ATRN: variants seen among roughly 807,000 people sequenced by gnomAD.
The protein encoded by ATRN is attractin.
A neutral mutation model predicts 178.7 loss-of-function variants in ATRN; 54 were observed. The ratio of observed to expected loss-of-function variants is 0.30; its 90% CI spans 0.24 to 0.38. The LOEUF (loss-of-function observed/expected upper bound fraction) is 0.38, where lower values mean the gene tolerates loss of function less well. ATRN is among the 10% of genes least tolerant of loss of function. ATRN has a pLI of 1.00. For missense variants in ATRN, 1,443 were observed against 1,815.1 expected (o/e 0.79, Z 3.73); for synonymous variants, 636 against 663.0 (o/e 0.96, Z 0.63).
chr20:3,531,141 TTC>T (rs745654727), intron 1 of ATRN, among the ~76,000 whole-genome samples: 3 of 152,216 alleles, frequency 2.0e-5, no homozygotes, highest in Non-Finnish European at 4.4e-5. Context: ...TTCCTGGCCT[TTC>T]TCTTTCAAAT....
chr20:3,597,666 C>T (rs563708062), intron 21 of ATRN, among the ~76,000 whole-genome samples: 3 of 152,224 alleles, frequency 2.0e-5, no homozygotes, highest in South Asian at 2.1e-4. Flanking sequence ...TAATTATGGA[C>T]GTTACTTGAT....
intron 23 of ATRN, among the ~76,000 whole-genome samples, chr20:3,603,511 C>T (rs1255317984): frequency 1.3e-4 from 19 of 148,728 alleles, no homozygotes; most frequent in African/African-American, 3.5e-4. Context: ...TTTTTTGAGA[C>T]GGAATTTCGC....
intron 25 of ATRN, among the ~76,000 whole-genome samples, chr20:3,626,781 CTTTTTT>C (rs33999405): frequency 2.9e-4 from 34 of 118,172 alleles, no homozygotes; most frequent in African/African-American, 1.0e-3. Context: ...TGAATTATTT[CTTTTTT>C]TTTTTTTTTT....
chr20:3,591,803 T>C (rs2086447443), intron 19 of ATRN, among the ~76,000 whole-genome samples: 2 of 151,704 alleles, frequency 1.3e-5, no homozygotes, highest in African/African-American at 4.8e-5. Flanking sequence ...TTCCCCCTCC[T>C]CCCCCCATCA....
At chr20:3,621,235 G>T (rs940676766) in intron 24 of ATRN, among the ~76,000 whole-genome samples, 13 of 152,172 alleles carry the variant, frequency 8.5e-5, no homozygotes, top group Non-Finnish European at 1.5e-5. Flanking sequence ...AGCCAGAAAG[G>T]ACAGGGAGGA....
At chr20:3,617,888 CAG>C (rs908929806) in intron 24 of ATRN, among the ~76,000 whole-genome samples, 1 of 152,110 alleles carries the variant, frequency 6.6e-6, no homozygotes, top group African/African-American at 2.4e-5. Context: ...CTAGAACACT[CAG>C]GGGTCAGGGG....
intron 1 of ATRN, among the ~76,000 whole-genome samples, chr20:3,512,085 T>TTATATATATATATATATATATATA (rs1212714416): frequency 8.3e-6 from 1 of 119,786 alleles, no homozygotes; most frequent in African/African-American, 3.6e-5. Flanking sequence ...CTTTTTTCTT[T>TTATATATATATATATATATATATA]TATATATATA....
At position 3,499,595 on chromosome 20, in the gene ATRN, A is replaced by G. The variant is rs796143393; in HGVS notation, c.410+28078A>G. On this transcript the variant is annotated intron_variant, in intron 1 of 28. Coordinates refer to ENST00000262919, the MANE Select transcript of ATRN (RefSeq NM_139321.3). The stretch of plus-strand genomic sequence containing the variant: ...ACAAGCATTGGGGAAAGGATTCCCT[A>G]TTTAATAAATGGTGCTGGGAAAACT... Among the ~76,000 whole-genome samples the G allele has an allele frequency of 7.2e-4, 108 of 150,558 alleles. 2 individuals are homozygous for G. The South Asian group carries it at 0.016, about 23-fold the overall frequency.
chr20:3,580,089 G>C (rs1420282103), intron 15 of ATRN, among the ~76,000 whole-genome samples: 1 of 152,174 alleles, frequency 6.6e-6, no homozygotes, highest in East Asian at 1.9e-4. Flanking sequence ...TCAGATTTCA[G>C]AATCTCCATT....
chr20:3,496,152 T>A (rs2084875646), intron 1 of ATRN, among the ~76,000 whole-genome samples: 1 of 151,972 alleles, frequency 6.6e-6, no homozygotes, highest in African/African-American at 2.4e-5. Flanking sequence ...TCTATTTCCT[T>A]CAGTTCTGCT....
Position 3,529,964 on chromosome 20 carries a change from A to G in ATRN, c.411-5289A>G, listed in dbSNP as rs542883069. 2.0e-5 allele frequency among the ~76,000 whole-genome samples: 3 copies of G among 152,220 alleles called. No homozygotes were observed. In the South Asian group the frequency reaches 6.2e-4, roughly 32 times the overall value. On this transcript the variant is annotated intron_variant, in intron 1 of 28. Coordinates refer to ENST00000262919, the MANE Select transcript of ATRN (RefSeq NM_139321.3). ...GTTTCGAAGAAGCAAACTATTGAAA[A>G]CTTGATAAGTAAAGCTGAAAATAAA...
chr20:3,644,331 A>T (rs562485327), intron 28 of ATRN, 63 bp downstream of exon 28: 8 of 1,350,918 alleles, frequency 5.9e-6, no homozygotes, highest in Admixed American at 3.5e-5. Flanking sequence ...AGCATGGGAT[A>T]CTTCCCTTTC....
chr20:3,643,908 C>T (rs1388794812), intron 27 of ATRN, among the ~76,000 whole-genome samples: 6 of 152,202 alleles, frequency 3.9e-5, no homozygotes, highest in Non-Finnish European at 7.3e-5. Flanking sequence ...CCCTACAGTT[C>T]AAGCAGCCCT....
In ATRN at chr20:3,490,903, A is replaced by C; in HGVS notation, c.410+19386A>C. On this transcript the variant is annotated intron_variant, in intron 1 of 28. Transcript: ENST00000262919. ...TGCATGGCCTGAGTGCGGTGATCAGAATTGAGCGTGGACTTCTTAGTGAGC... is the reference window on the plus strand; with the variant it reads ...TGCATGGCCTGAGTGCGGTGATCAGCATTGAGCGTGGACTTCTTAGTGAGC... 7.0e-6 allele frequency: 8 copies of C among 1,145,026 alleles called. No homozygotes were observed. The South Asian group carries it at 9.8e-5, about 14-fold the overall frequency. The allele number at this position is 1,145,026 out of a possible 1,614,324, so 70.9% of individuals were successfully genotyped here. A position where few individuals can be genotyped will look rare whatever the true frequency, so the allele number is the denominator to read the frequency against.
chr20:3,565,496 G>T, intron 11 of ATRN, 64 bp downstream of exon 11: 3 of 1,404,942 alleles, frequency 2.1e-6, no homozygotes. Context: ...GGCCGGGCAC[G>T]GTGGCTCACG....
At chr20:3,496,671 C>T (rs551598793) in intron 1 of ATRN, among the ~76,000 whole-genome samples, 44 of 152,140 alleles carry the variant, frequency 2.9e-4, no homozygotes, top group East Asian at 2.1e-3. Flanking sequence ...CTATTAGGTC[C>T]GCTTGGTGCA....
chr20:3,603,757 G>A (rs1038883322), intron 23 of ATRN, among the ~76,000 whole-genome samples: 7 of 152,042 alleles, frequency 4.6e-5, no homozygotes, highest in Non-Finnish European at 1.0e-4. Context: ...CAAAGTGCTG[G>A]GATTACAGAT....
chr20:3,644,260 G>T lies in ATRN; in HGVS notation c.4157G>T (p.Gly1386Val), dbSNP rs1479029263. Residue 1386 changes from glycine (G) to valine (V), a missense_variant, in exon 28 of 29, where the codon GGG becomes GTG. Coordinates refer to ENST00000262919, the MANE Select transcript of ATRN (RefSeq NM_139321.3). ...PRGLGGIPPP[G>V]QSGLAVASAL... ...GGCCTGGGTGGCATCCCTCCTCCTG[G>T]GCAGTCAGGTGAGTAGATGCGGTCC... The T allele has an allele frequency of 6.2e-7, 1 of 1,612,424 alleles. No homozygotes were observed. Among genetic ancestry groups the T allele is most frequent in the Admixed American group, 1.7e-5 (1 of 60,016 alleles).
intron 12 of ATRN, among the ~76,000 whole-genome samples, 154 bp from the exon 13 acceptor site, chr20:3,575,673 A>G (rs546979120): frequency 6.6e-6 from 1 of 152,318 alleles, no homozygotes; most frequent in East Asian, 1.9e-4. Context: ...ATTTCTAAAT[A>G]TTATTTTAAC....
Sources: gnomAD v4.1 joint callset for allele counts (sites outside exome capture counted in the v4.1 genomes callset) on GRCh38, gnomAD v4.1.1 for gene constraint, MANE v1.5 for transcripts, NCBI Gene and HGNC (gene_info 2026-07-23, HGNC 2026-07-21) for gene names.